Variants in NCOA7 observed in about 807,000 individuals in gnomAD.
The protein encoded by NCOA7 is 140 kDa estrogen receptor-associated protein.
NCOA7 carries 45 observed loss-of-function variants against 104.3 expected under a neutral mutation model. The ratio of observed to expected loss-of-function variants is 0.43; its 90% CI spans 0.34 to 0.55. NCOA7 has a LOEUF of 0.55. NCOA7 is among the 20% of genes least tolerant of loss of function. NCOA7 has a pLI of 0.02. For synonymous variants in NCOA7, 398 were observed against 402.3 expected, an observed-to-expected ratio of 0.99 and a Z score of 0.13; for missense variants, 1,041 against 1,119.7, an observed-to-expected ratio of 0.93 and a Z score of 1.00.
In NCOA7 at chr6:125,928,679, C is replaced by T. The variant is rs763325202; in HGVS notation, c.2737C>T (p.Arg913Ter). 3.7e-6 allele frequency: 6 copies of T among 1,611,552 alleles called. No individual in the cohort carries two copies. Among genetic ancestry groups the T allele is most frequent in the Non-Finnish European group, 4.2e-6 (5 of 1,179,424 alleles). Residue 913 changes from arginine to a stop codon, truncating the protein, a stop_gained, in exon 16 of 16, where the codon CGA becomes TGA. Transcript: ENST00000392477. LOFTEE classifies it high-confidence loss of function. Reference sequence around the variant, plus strand: ...GCTAGATGCTGATTTATACCACGGACGAAGCAACTCTTGCAGCACTTTCAA... The same window carrying T: ...GCTAGATGCTGATTTATACCACGGATGAAGCAACTCTTGCAGCACTTTCAA... ...LWLDADLYHGRSNSCSTFNND... is the reference protein window; with the variant it reads ...LWLDADLYHG
chr6:125,879,029 G>A (rs994819580), intron 5 of NCOA7, among the ~76,000 whole-genome samples: 2 of 152,144 alleles, frequency 1.3e-5, no homozygotes, highest in South Asian at 4.1e-4. Context: ...CTTTTTTTAA[G>A]AGTTCAGATG....
chr6:125,806,757 A>G (rs890785179), intron 1 of NCOA7, among the ~76,000 whole-genome samples: 1 of 152,152 alleles, frequency 6.6e-6, no homozygotes, highest in Non-Finnish European at 1.5e-5. Context: ...ATGAATCTAT[A>G]TTATGTCTTC....
intron 3 of NCOA7, among the ~76,000 whole-genome samples, chr6:125,874,205 A>G (rs1340686693): frequency 6.6e-6 from 1 of 152,136 alleles, no homozygotes; most frequent in Non-Finnish European, 1.5e-5. Flanking sequence ...CACACCTGTA[A>G]TCCCAGCTAC....
intron 1 of NCOA7, among the ~76,000 whole-genome samples, chr6:125,784,683 G>A (rs1023681542): frequency 1.3e-5 from 2 of 152,096 alleles, no homozygotes; most frequent in African/African-American, 2.4e-5. Context: ...GTGGTACATC[G>A]ATATGCCTTG....
At chr6:125,910,356 T>C (rs536619709) in intron 10 of NCOA7, among the ~76,000 whole-genome samples, 1 of 152,352 alleles carries the variant, frequency 6.6e-6, no homozygotes, top group African/African-American at 2.4e-5. Flanking sequence ...AGTGTGGCTA[T>C]GCACATAATA....
chr6:125,870,091 T>C (rs2128634675), intron 3 of NCOA7, among the ~76,000 whole-genome samples: 1 of 152,320 alleles, frequency 6.6e-6, no homozygotes, highest in Middle Eastern at 3.4e-3. Flanking sequence ...TAGCCGCTTA[T>C]TTGCTTACTT....
chr6:125,830,753 G>GTGTA (rs1554264634), intron 2 of NCOA7, among the ~76,000 whole-genome samples: 82 of 137,394 alleles, frequency 6.0e-4, no homozygotes, highest in South Asian at 2.3e-3. Flanking sequence ...GTGTGTGTGT[G>GTGTA]TGTGTGTATG....
At chr6:125,799,213 C>G (rs1430986481) in intron 1 of NCOA7, among the ~76,000 whole-genome samples, 1 of 152,096 alleles carries the variant, frequency 6.6e-6, no homozygotes, top group Non-Finnish European at 1.5e-5. Context: ...CCTCAGTAAT[C>G]CCACACATAC....
At chr6:125,846,763 C>T (rs1307163451) in intron 2 of NCOA7, among the ~76,000 whole-genome samples, 3 of 152,234 alleles carry the variant, frequency 2.0e-5, no homozygotes, top group Non-Finnish European at 2.9e-5. Flanking sequence ...TGTGAATTCC[C>T]GCTCCACAAC....
At chr6:125,891,382 T>C (rs966983568) in intron 10 of NCOA7, among the ~76,000 whole-genome samples, 3 of 152,210 alleles carry the variant, frequency 2.0e-5, no homozygotes, top group Non-Finnish European at 4.4e-5. Context: ...GGAGGGATAG[T>C]GGCATAGAAA....
intron 1 of NCOA7, among the ~76,000 whole-genome samples, chr6:125,795,329 C>G (rs1197617387): frequency 6.6e-6 from 1 of 152,082 alleles, no homozygotes; most frequent in African/African-American, 2.4e-5. Flanking sequence ...ACCTTCATGT[C>G]TTTTTTTAAA....
intron 1 of NCOA7, among the ~76,000 whole-genome samples, chr6:125,800,120 A>G (rs1426405069): frequency 6.6e-6 from 1 of 152,256 alleles, no homozygotes; most frequent in Non-Finnish European, 1.5e-5. Flanking sequence ...CCTGGTTGCA[A>G]AGACAACACT....
intron 3 of NCOA7, among the ~76,000 whole-genome samples, chr6:125,858,014 G>A (rs1335432111): frequency 6.6e-6 from 1 of 151,816 alleles, no homozygotes; most frequent in Non-Finnish European, 1.5e-5. Context: ...TACCTGACTG[G>A]CTCTTACCTG....
chr6:125,889,124 A>G lies in NCOA7; in HGVS notation c.1070A>G (p.His357Arg), dbSNP rs1368857365. 1 of 1,614,174 alleles carries G rather than the reference A, an allele frequency of 6.2e-7. No individual in the cohort carries two copies. The highest frequency in any genetic ancestry group is 1.7e-5 in the Admixed American group (1 of 60,012). The change falls in exon 9 of 16, where the codon CAT becomes CGT. Residue 357 changes from histidine (H) to arginine (R), a missense_variant. His to Arg is a conservative substitution (Grantham distance 29, BLOSUM62 0). Transcript: ENST00000392477. ...PIVPLEKSTG[H>R]TPTKPSGSSV... ...GTACCTTTGGAGAAGTCCACAGGAC[A>G]TACACCTACAAAGCCCTCAGGCAGC...
At chr6:125,832,720 C>G (rs1268563630) in intron 2 of NCOA7, among the ~76,000 whole-genome samples, 1 of 152,236 alleles carries the variant, frequency 6.6e-6, no homozygotes, top group Non-Finnish European at 1.5e-5. Context: ...GTGGGCTGTT[C>G]AGAATTCACA....
chr6:125,844,036 G>A (rs1780382287), intron 2 of NCOA7, among the ~76,000 whole-genome samples: 1 of 152,178 alleles, frequency 6.6e-6, no homozygotes, highest in African/African-American at 2.4e-5. Flanking sequence ...GGCCATTTCT[G>A]GCCCCCACAC....
chr6:125,928,959 G>T lies in NCOA7; in HGVS notation c.*188G>T, dbSNP rs763766616. On this transcript the variant is annotated 3_prime_UTR_variant, in exon 16 of 16. Transcript: ENST00000392477. ...AAGGTCCATGTAGAGGGCAGACATT[G>T]AAGAAAGAAACTTAAAATCCAGGTT... The T allele has an allele frequency of 1.6e-4, 84 of 519,320 alleles. No individual in the cohort carries two copies. The Middle Eastern group carries it at 5.0e-3, about 31-fold the overall frequency. 32.2% of individuals were successfully genotyped at this position (519,320 alleles called of 1,614,324 possible). A position where few individuals can be genotyped will look rare whatever the true frequency, so the allele number is the denominator to read the frequency against.
intron 3 of NCOA7, among the ~76,000 whole-genome samples, chr6:125,858,876 G>A (rs1345767843): frequency 6.6e-6 from 1 of 152,040 alleles, no homozygotes; most frequent in African/African-American, 2.4e-5. Context: ...CCATCCCAAG[G>A]CGATGTTCTC....
At chr6:125,830,375 A>G (rs1473275078) in intron 2 of NCOA7, among the ~76,000 whole-genome samples, 2 of 152,166 alleles carry the variant, frequency 1.3e-5, no homozygotes, top group Non-Finnish European at 2.9e-5. Flanking sequence ...CCATCTTGAT[A>G]TGACCTGATT....
Sources: gnomAD v4.1 joint callset for allele counts (sites outside exome capture counted in the v4.1 genomes callset) on GRCh38, gnomAD v4.1.1 for gene constraint, MANE v1.5 for transcripts, NCBI Gene and HGNC (gene_info 2026-07-23, HGNC 2026-07-21) for gene names.